Variants in PIGF observed in about 807,000 individuals in gnomAD.
The protein encoded by PIGF is phosphatidylinositol glycan anchor biosynthesis class F.
A neutral mutation model predicts 26.0 loss-of-function variants in PIGF; 23 were observed. That is an observed-to-expected ratio of 0.88 (90% CI 0.64 to 1.25). PIGF has a LOEUF of 1.25. Ranked by LOEUF, PIGF falls within the 50% of genes most tolerant of loss-of-function variation. The pLI, the probability that PIGF is intolerant of heterozygous loss-of-function variation, is 0.00. For missense variants in PIGF, 278 were observed against 249.9 expected, an observed-to-expected ratio of 1.11 and a Z score of -0.76; for synonymous variants, 93 against 92.6, an observed-to-expected ratio of 1.00 and a Z score of -0.03.
At position 46,598,649 on chromosome 2, in the gene PIGF, A is replaced by G. The variant is rs891391631; in HGVS notation, c.438-6066T>C. On this transcript the variant is annotated intron_variant, in intron 4 of 5. Coordinates refer to ENST00000281382, the MANE Select transcript of PIGF (RefSeq NM_002643.4). ...GCCCAGAGAAGCCCAAAGATTGGAC[A>G]CTCCTGTAGTGGTTGCCTGGGCCAT... Among the ~76,000 whole-genome samples the G allele has an allele frequency of 1.3e-5, 2 of 150,332 alleles. 1 individual carries two copies.
rs1669655058 is a variant in PIGF, at chr2:46,588,932, G to T, written c.546+3543C>A. ...TAGCTATTTAGTTACAGCAGATAAA[G>T]AATCAAATTATAAAATACAAAGGTT... On this transcript the variant is annotated intron_variant, in intron 5 of 5. Coordinates refer to ENST00000281382, the MANE Select transcript of PIGF (RefSeq NM_002643.4). This position sits in a 1 kb window ranked among gnomAD's most constrained non-coding sequence, Gnocchi z 4.1. Among the ~76,000 whole-genome samples the T allele has an allele frequency of 6.6e-6, 1 of 152,076 alleles. No individual in the cohort carries two copies. The highest frequency in any genetic ancestry group is 6.5e-5 in the Admixed American group (1 of 15,276).
chr2:46,588,291 C>CTGCT lies in PIGF; in HGVS notation c.546+4180_546+4183dup, dbSNP rs1669639318. On this transcript the variant is annotated intron_variant, in intron 5 of 5. Transcript: ENST00000281382. The surrounding 1 kb of genome is among the most constrained non-coding windows in gnomAD (Gnocchi z 4.1). The stretch of plus-strand genomic sequence containing the variant: ...ACAGTCCACTCTACCAACTGAAAGA[C>CTGCT]TGCTGGGCAGAAAAAATAAAACAAC... The CTGCT allele has an allele frequency of 7.5e-7, 1 of 1,329,412 alleles. No individual in the cohort carries two copies. Among genetic ancestry groups the CTGCT allele is most frequent in the Non-Finnish European group, 1.0e-6 (1 of 994,866 alleles). 82.4% of individuals were successfully genotyped at this position (1,329,412 alleles called of 1,614,324 possible).
chr2:46,610,780 T>C (rs551946541), intron 4 of PIGF, among the ~76,000 whole-genome samples: 1 of 152,242 alleles, frequency 6.6e-6, no homozygotes, highest in South Asian at 2.1e-4. Context: ...TCCACCCGCC[T>C]TGGCCTCCCA....
At chr2:46,595,786 C>T (rs1270531471) in intron 4 of PIGF, among the ~76,000 whole-genome samples, 3 of 152,110 alleles carry the variant, frequency 2.0e-5, no homozygotes, top group African/African-American at 4.8e-5. Context: ...TTTTTTATTA[C>T]AGTCATCGTA....
intron 5 of PIGF, 50 bp downstream of exon 5, chr2:46,592,425 C>T: frequency 1.1e-6 from 1 of 940,752 alleles, no homozygotes; most frequent in Non-Finnish European, 1.8e-6. Context: ...ATCTGTTTTA[C>T]TATCATTGTA....
intron 5 of PIGF, among the ~76,000 whole-genome samples, chr2:46,583,426 C>G (rs1017565541): frequency 6.6e-6 from 1 of 152,090 alleles, no homozygotes; most frequent in Non-Finnish European, 1.5e-5. Flanking sequence ...TTCACATTCT[C>G]AAGATGGTAA....
At chr2:46,601,217 GC>G (rs997569076) in intron 4 of PIGF, among the ~76,000 whole-genome samples, 14 of 152,096 alleles carry the variant, frequency 9.2e-5, no homozygotes, top group Admixed American at 7.2e-4. Flanking sequence ...AGGAATATAT[GC>G]ACAGTCAATA....
chr2:46,591,732 C>A, intron 5 of PIGF: 2 of 1,140,854 alleles, frequency 1.8e-6, no homozygotes, highest in African/African-American at 1.6e-5. Flanking sequence ...GTTCAGTGAC[C>A]TTGGGAATGT....
intron 5 of PIGF, among the ~76,000 whole-genome samples, chr2:46,584,977 A>G (rs998399407): frequency 3.3e-5 from 5 of 152,206 alleles, no homozygotes; most frequent in African/African-American, 1.2e-4. Context: ...TAGCTTAATC[A>G]GGTATTTTCA....
rs530970546 is a variant in PIGF at position 46,591,882 on chromosome 2, G to C, written c.546+593C>G. On this transcript the variant is annotated intron_variant, in intron 5 of 5. Transcript: ENST00000281382. ...AAATCTGATGTTTGTGAGCTTTCTTGATAACACAGGCCGCTGCTGCAAAAA... is the reference window on the plus strand; with the variant it reads ...AAATCTGATGTTTGTGAGCTTTCTTCATAACACAGGCCGCTGCTGCAAAAA... 3.9e-4 allele frequency: 507 copies of C among 1,303,820 alleles called. 8 individuals are homozygous for C. The South Asian group carries it at 5.9e-3, about 15-fold the overall frequency. The allele number at this position is 1,303,820 out of a possible 1,614,324, so 80.8% of individuals were successfully genotyped here.
At chr2:46,584,191 T>C (rs1045692191) in intron 5 of PIGF, among the ~76,000 whole-genome samples, 1 of 152,194 alleles carries the variant, frequency 6.6e-6, no homozygotes, top group African/African-American at 2.4e-5. Context: ...TCTTAACACA[T>C]GGGGTTACAA....
chr2:46,592,208 G>GC (rs1669743921), intron 5 of PIGF, among the ~76,000 whole-genome samples: 1 of 151,934 alleles, frequency 6.6e-6, no homozygotes, highest in South Asian at 2.1e-4. Context: ...TAAACAAACC[G>GC]CCTATATACA....
In PIGF at chr2:46,588,307, A is replaced by G. The variant is rs543947349; in HGVS notation, c.546+4168T>C. 100 of 1,163,478 alleles carry G rather than the reference A, an allele frequency of 8.6e-5. 1 individual carries two copies. In the East Asian group the frequency reaches 2.5e-3, roughly 29 times the overall value. The allele number at this position is 1,163,478 out of a possible 1,614,324, so 72.1% of individuals were successfully genotyped here. A position where few individuals can be genotyped will look rare whatever the true frequency, so the allele number is the denominator to read the frequency against. ...ACTGAAAGACTGCTGGGCAGAAAAA[A>G]TAAAACAACAAACTGAGACAATTAA... On this transcript the variant is annotated intron_variant, in intron 5 of 5. Transcript: ENST00000281382. This position sits in a 1 kb window ranked among gnomAD's most constrained non-coding sequence, Gnocchi z 4.1.
At position 46,613,765 on chromosome 2, in the gene PIGF, G is replaced by C. The variant is rs370717506; in HGVS notation, c.249C>G (p.Cys83Trp). 44 of 1,551,808 alleles carry C rather than the reference G, an allele frequency of 2.8e-5. No homozygotes were observed. The East Asian group carries it at 4.5e-4, about 16-fold the overall frequency. The change falls in exon 3 of 6, where the codon TGC (cysteine) becomes TGG (tryptophan). Residue 83 changes from cysteine to tryptophan, a missense_variant. Transcript: ENST00000281382. ...AACAAGACATAAGAAAGTAGATACA[G>C]CATTTCAAAAATCCAGTTACCTAAA... ...LSHKVTGFLK[C>W]CIYFLMSCFS...
At position 46,589,320 on chromosome 2, in the gene PIGF, C is replaced by A. The variant is rs1669662969; in HGVS notation, c.546+3155G>T. 6.6e-6 allele frequency among the ~76,000 whole-genome samples: 1 copy of A among 151,890 alleles called. No individual in the cohort carries two copies. On this transcript the variant is annotated intron_variant, in intron 5 of 5. Transcript: ENST00000281382. This position sits in a 1 kb window ranked among gnomAD's most constrained non-coding sequence, Gnocchi z 4.7. ...ATTGAGATCACATATTTTCAGTGGG[C>A]CTTTCCAGTCATTTAATGAAGAAAT... is the stretch of plus-strand genomic sequence containing the variant.
At chr2:46,598,512 T>G (rs1374585804) in intron 4 of PIGF, among the ~76,000 whole-genome samples, 1 of 151,176 alleles carries the variant, frequency 6.6e-6, no homozygotes, top group South Asian at 2.1e-4. Flanking sequence ...TCATAAACTT[T>G]CTTAAAACAT....
chr2:46,615,293 T>G, intron 1 of PIGF, 108 bp from the exon 2 acceptor site: 1 of 595,968 alleles, frequency 1.7e-6, no homozygotes, highest in Non-Finnish European at 3.0e-6. Context: ...CTATGAGCAA[T>G]GTATTTGTTT....
At chr2:46,603,357 C>G (rs936195061) in intron 4 of PIGF, among the ~76,000 whole-genome samples, 1 of 151,884 alleles carries the variant, frequency 6.6e-6, no homozygotes. Flanking sequence ...ATAGAAGAAA[C>G]AATCCTAAAA....
chr2:46,612,377 G>T, intron 3 of PIGF, 33 bp from the exon 4 acceptor site: 1 of 780,478 alleles, frequency 1.3e-6, no homozygotes, highest in South Asian at 2.0e-5. Flanking sequence ...TTTTAAAAAA[G>T]TGTTAAAGGT....
Sources: allele counts gnomAD v4.1 joint callset (sites outside exome capture counted in the v4.1 genomes callset), GRCh38; gene constraint gnomAD v4.1.1; non-coding constraint Gnocchi (gnomAD v3.1); transcripts MANE v1.5; gene names NCBI Gene and HGNC (gene_info 2026-07-23, HGNC 2026-07-21).